EYS: variants seen among roughly 807,000 people sequenced by gnomAD.
EYS encodes the protein protein eyes shut homolog.
EYS carries 250 observed loss-of-function variants against 282.1 expected under a neutral mutation model. The observed-to-expected ratio is 0.89, with a 90% CI of 0.80 to 0.98. The LOEUF (loss-of-function observed/expected upper bound fraction) is 0.98. Ranked by LOEUF, EYS falls within the 50% of genes least tolerant of loss-of-function variation. The pLI is 0.00. For synonymous variants in EYS, 1,355 were observed against 1,282.9 expected (o/e 1.06, Z -1.20); for missense variants, 4,016 against 3,709.0 (o/e 1.08, Z -2.15).
At chr6:64,865,372 G>A (rs1035406603) in intron 19 of EYS, among the ~76,000 whole-genome samples, 3 of 152,060 alleles carry the variant, frequency 2.0e-5, no homozygotes, top group Admixed American at 6.6e-5. Flanking sequence ...TTTCTAAGAA[G>A]GCAATATATG....
chr6:64,409,284 C>G (rs1055925149), intron 28 of EYS, among the ~76,000 whole-genome samples: 5 of 152,088 alleles, frequency 3.3e-5, no homozygotes, highest in African/African-American at 1.2e-4. Context: ...TATAGCAGAA[C>G]AATTTATATT....
chr6:64,284,214 G>A (rs1768410389), intron 30 of EYS, among the ~76,000 whole-genome samples: 2 of 152,184 alleles, frequency 1.3e-5, no homozygotes, highest in South Asian at 2.1e-4. Context: ...TAGGTTCAAT[G>A]GGGGTACAGG....
chr6:64,463,108 G>C (rs150556647), intron 26 of EYS, among the ~76,000 whole-genome samples: 173 of 151,748 alleles, frequency 1.1e-3, no homozygotes, highest in Non-Finnish European at 1.8e-3. Context: ...CACCACGCCC[G>C]GCTATTTATT....
chr6:64,240,652 C>T (rs1157099726), intron 30 of EYS, among the ~76,000 whole-genome samples: 3 of 152,152 alleles, frequency 2.0e-5, no homozygotes, highest in Non-Finnish European at 4.4e-5. Context: ...AAATTTGGGG[C>T]TGAGACGATG....
At chr6:64,598,561 C>G (rs1204728241) in intron 24 of EYS, among the ~76,000 whole-genome samples, 1 of 152,146 alleles carries the variant, frequency 6.6e-6, no homozygotes, top group African/African-American at 2.4e-5. Flanking sequence ...CTTTCTGAAT[C>G]TATGTTTGAG....
chr6:65,341,120 G>A lies in EYS; in HGVS notation c.1599+2918C>T, dbSNP rs140410296. ...GGAAGCTCAGCTGGGAGAGGAAAGC[G>A]TGGGTTCTATAAGTACATCATTCAA... On this transcript the variant is annotated intron_variant, in intron 10 of 42. Coordinates refer to ENST00000503581, the MANE Select transcript of EYS (RefSeq NM_001142800.2). Among the ~76,000 whole-genome samples, 643 of 151,240 alleles carry A rather than the reference G, an allele frequency of 4.3e-3. 7 individuals are homozygous for A. The highest frequency in any genetic ancestry group is 0.014 in the African/African-American group (596 of 41,436).
At chr6:64,615,746 C>T (rs779669169) in intron 24 of EYS, among the ~76,000 whole-genome samples, 2 of 152,040 alleles carry the variant, frequency 1.3e-5, no homozygotes, top group African/African-American at 2.4e-5. Context: ...TTATCTCTTG[C>T]TATGACAAGT....
intron 33 of EYS, among the ~76,000 whole-genome samples, chr6:64,041,393 T>C (rs1036586316): frequency 7.9e-5 from 12 of 152,220 alleles, no homozygotes; most frequent in Admixed American, 7.9e-4. Context: ...AATTTTCTGG[T>C]ATTAAAGAGG....
intron 15 of EYS, among the ~76,000 whole-genome samples, chr6:64,931,947 T>C (rs1768740647): frequency 6.6e-6 from 1 of 152,092 alleles, no homozygotes; most frequent in Non-Finnish European, 1.5e-5. Context: ...CTTGATAGAA[T>C]CATTTCTGTA....
chr6:65,631,684 A>T (rs1007499669), intron 2 of EYS, among the ~76,000 whole-genome samples: 27 of 152,232 alleles, frequency 1.8e-4, no homozygotes, highest in African/African-American at 6.3e-4. Flanking sequence ...TCTTCTTTCC[A>T]TAGAGGGAGA....
intron 33 of EYS, among the ~76,000 whole-genome samples, chr6:64,025,790 C>A (rs763591581): frequency 2.6e-5 from 4 of 152,156 alleles, no homozygotes; most frequent in Non-Finnish European, 5.9e-5. Flanking sequence ...CTCTTCCAAC[C>A]CTGGAGATCC....
At position 65,291,748 on chromosome 6, in the gene EYS, T is replaced by C. The variant is rs144405385; in HGVS notation, c.2023+4115A>G. ...TTTGGAGTCTACTAAAAGAGTTATG[T>C]TGCTTCAAAGATGAGGCTCATTTTC... On this transcript the variant is annotated intron_variant, in intron 12 of 42. Coordinates refer to ENST00000503581, the MANE Select transcript of EYS (RefSeq NM_001142800.2). Among the ~76,000 whole-genome samples, 116 of 151,704 alleles carry C rather than the reference T, an allele frequency of 7.6e-4. 1 individual carries two copies. Among genetic ancestry groups the C allele is most frequent in the African/African-American group, 2.5e-3 (104 of 41,476 alleles).
At chr6:65,449,999 ATAGTT>A (rs1332280448) in intron 5 of EYS, among the ~76,000 whole-genome samples, 1 of 152,158 alleles carries the variant, frequency 6.6e-6, no homozygotes, top group African/African-American at 2.4e-5. Flanking sequence ...AGATTTCAAA[ATAGTT>A]TAGTGTGTAA....
At chr6:65,329,482 A>C in intron 11 of EYS, 1 of 976,080 alleles carries the variant, frequency 1.0e-6, no homozygotes, top group Non-Finnish European at 1.2e-6. Flanking sequence ...CTTAGACAAA[A>C]AGATTTAGAC....
chr6:65,213,122 A>T (rs1766215737), intron 12 of EYS, among the ~76,000 whole-genome samples: 1 of 152,086 alleles, frequency 6.6e-6, no homozygotes, highest in African/African-American at 2.4e-5. Context: ...ATTAGCATAT[A>T]TTTGCATGTG....
intron 26 of EYS, among the ~76,000 whole-genome samples, chr6:64,498,614 C>T (rs1260774671): frequency 1.3e-5 from 2 of 151,690 alleles, no homozygotes; most frequent in Non-Finnish European, 2.9e-5. Flanking sequence ...CTAATGCCCT[C>T]CCTCCCCTTT....
At chr6:63,874,238 T>C (rs1458886787) in intron 35 of EYS, among the ~76,000 whole-genome samples, 1 of 152,222 alleles carries the variant, frequency 6.6e-6, no homozygotes, top group Non-Finnish European at 1.5e-5. Context: ...CGAGCACCAT[T>C]TGTTAAATAG....
At chr6:64,698,489 CT>C (rs1253645913) in intron 22 of EYS, among the ~76,000 whole-genome samples, 2 of 151,932 alleles carry the variant, frequency 1.3e-5, no homozygotes, top group African/African-American at 4.8e-5. Flanking sequence ...CAAGTGGGAT[CT>C]AATTAAATTT....
chr6:64,513,770 G>T (rs1285703408), intron 26 of EYS, among the ~76,000 whole-genome samples: 1 of 151,718 alleles, frequency 6.6e-6, no homozygotes, highest in Non-Finnish European at 1.5e-5. Flanking sequence ...GGTGTGCCTG[G>T]ACTGGAGGAA....
Sources: gnomAD v4.1 joint callset for allele counts (sites outside exome capture counted in the v4.1 genomes callset) on GRCh38, gnomAD v4.1.1 for gene constraint, MANE v1.5 for transcripts, NCBI Gene and HGNC (gene_info 2026-07-23, HGNC 2026-07-21) for gene names.